Variants in SLC9A9 observed in about 807,000 individuals in gnomAD.
SLC9A9 encodes the protein sodium/hydrogen exchanger 9.
SLC9A9 carries 62 observed loss-of-function variants against 77.8 expected under a neutral mutation model. That is an observed-to-expected ratio of 0.80 (90% CI 0.65 to 0.98). The LOEUF is 0.98. Among genes scored for constraint, SLC9A9 ranks in the 50% least tolerant of loss-of-function variants. The pLI, the probability that SLC9A9 is intolerant of heterozygous loss-of-function variation, is 0.00. For synonymous variants in SLC9A9, 320 were observed against 283.5 expected (o/e 1.13, Z -1.29); for missense variants, 775 against 774.9 (o/e 1.00, Z 0.00).
chr3:143,716,077 C>G (rs942352801), intron 4 of SLC9A9, among the ~76,000 whole-genome samples: 1 of 152,156 alleles, frequency 6.6e-6, no homozygotes, highest in Admixed American at 6.5e-5. Flanking sequence ...CTTTGAGACT[C>G]AAATGCCATT....
intron 9 of SLC9A9, among the ~76,000 whole-genome samples, chr3:143,537,459 ACTCTGCTGCCAC>A (rs1024550942): frequency 7.1e-4 from 108 of 151,882 alleles, no homozygotes; most frequent in African/African-American, 2.4e-3. Flanking sequence ...ACTGCTGCCC[ACTCTGCTGCCAC>A]CTGCCACCTG....
intron 6 of SLC9A9, among the ~76,000 whole-genome samples, chr3:143,630,373 C>T (rs988215030): frequency 6.6e-6 from 1 of 152,148 alleles, no homozygotes; most frequent in Non-Finnish European, 1.5e-5. Flanking sequence ...TAACCACCTT[C>T]TAGGAAGGTG....
At chr3:143,758,448 T>C (rs949970504) in intron 4 of SLC9A9, among the ~76,000 whole-genome samples, 2 of 152,196 alleles carry the variant, frequency 1.3e-5, no homozygotes, top group African/African-American at 4.8e-5. Context: ...CCTATAGGAC[T>C]TAATGGCTGT....
intron 11 of SLC9A9, among the ~76,000 whole-genome samples, chr3:143,490,435 C>T (rs776293165): frequency 6.6e-6 from 1 of 152,034 alleles, no homozygotes; most frequent in Non-Finnish European, 1.5e-5. Flanking sequence ...AAGACAAATA[C>T]TATATGATTC....
Position 143,624,712 on chromosome 3 carries a change from G to A in SLC9A9, c.755+27543C>T, listed in dbSNP as rs530881898. On this transcript the variant is annotated intron_variant, in intron 6 of 15. Coordinates refer to ENST00000316549, the MANE Select transcript of SLC9A9 (RefSeq NM_173653.4). ...TCCCTCTGAAAACTGACACAAGACA[G>A]GGATGCCCTCTCTTACCACTCCTAT... 4.5e-4 allele frequency among the ~76,000 whole-genome samples: 69 copies of A among 152,240 alleles called. No homozygotes were observed. In the East Asian group the frequency reaches 0.01, roughly 23 times the overall value.
intron 9 of SLC9A9, among the ~76,000 whole-genome samples, chr3:143,501,568 G>T (rs1457139268): frequency 6.6e-6 from 1 of 150,832 alleles, no homozygotes; most frequent in Non-Finnish European, 1.5e-5. Context: ...GGTGCAGAGG[G>T]TGCCCTTTTC....
chr3:143,701,327 T>A (rs992250752), intron 4 of SLC9A9, among the ~76,000 whole-genome samples: 1 of 152,152 alleles, frequency 6.6e-6, no homozygotes, highest in African/African-American at 2.4e-5. Context: ...CAGGGAACAA[T>A]TTTAAAGCAA....
chr3:143,808,723 A>G (rs142373780), intron 2 of SLC9A9, among the ~76,000 whole-genome samples: 1 of 152,316 alleles, frequency 6.6e-6, no homozygotes, highest in African/African-American at 2.4e-5. Flanking sequence ...TGACTTGGAC[A>G]GCTATTTAAC....
chr3:143,305,225 G>A (rs573926253), intron 14 of SLC9A9, among the ~76,000 whole-genome samples: 6 of 152,246 alleles, frequency 3.9e-5, no homozygotes, highest in African/African-American at 1.4e-4. Context: ...GCATTTCTTC[G>A]TTATGTTCTA....
At chr3:143,412,564 T>C (rs1387185972) in intron 12 of SLC9A9, among the ~76,000 whole-genome samples, 1 of 152,182 alleles carries the variant, frequency 6.6e-6, no homozygotes, top group Non-Finnish European at 1.5e-5. Context: ...ACTCTCTCTG[T>C]ACACAGTCCC....
chr3:143,578,845 TA>T (rs1439357554), intron 6 of SLC9A9, 122 bp from the exon 7 acceptor site: 12 of 1,190,958 alleles, frequency 1.0e-5, no homozygotes, highest in Admixed American at 1.7e-5. Context: ...TTGGAAGAGT[TA>T]GGGGAAAACA....
intron 12 of SLC9A9, among the ~76,000 whole-genome samples, chr3:143,400,879 A>G (rs562863215): frequency 6.6e-6 from 1 of 152,210 alleles, no homozygotes; most frequent in South Asian, 2.1e-4. Flanking sequence ...TGAGCCCGAG[A>G]GTGAGTGCTT....
intron 14 of SLC9A9, among the ~76,000 whole-genome samples, chr3:143,316,752 G>C (rs2031227951): frequency 6.6e-6 from 1 of 152,272 alleles, no homozygotes; most frequent in South Asian, 2.1e-4. Flanking sequence ...TATAATCAGG[G>C]AATGAGAAGG....
chr3:143,466,199 C>T (rs887329249), intron 12 of SLC9A9, among the ~76,000 whole-genome samples: 1 of 152,170 alleles, frequency 6.6e-6, no homozygotes, highest in Admixed American at 6.5e-5. Flanking sequence ...AGGTATAAAT[C>T]TGTCTTATAG....
At chr3:143,515,504 G>A (rs1326472035) in intron 9 of SLC9A9, among the ~76,000 whole-genome samples, 1 of 152,028 alleles carries the variant, frequency 6.6e-6, no homozygotes, top group Non-Finnish European at 1.5e-5. Flanking sequence ...ACTTCTGAAG[G>A]CTCACCAGCA....
chr3:143,743,921 CA>C (rs2108818988), intron 4 of SLC9A9, among the ~76,000 whole-genome samples: 1 of 152,242 alleles, frequency 6.6e-6, no homozygotes, highest in Non-Finnish European at 1.5e-5. Flanking sequence ...GATATGAATG[CA>C]AGTGAGAGAT....
At chr3:143,676,942 C>T (rs950186701) in intron 5 of SLC9A9, among the ~76,000 whole-genome samples, 3 of 152,150 alleles carry the variant, frequency 2.0e-5, no homozygotes, top group Non-Finnish European at 2.9e-5. Flanking sequence ...GTTTGCACAT[C>T]TCAAGCCTGT....
intron 9 of SLC9A9, among the ~76,000 whole-genome samples, chr3:143,509,494 C>T (rs140586722): frequency 1.0e-3 from 155 of 152,210 alleles, no homozygotes; most frequent in African/African-American, 3.3e-3. Flanking sequence ...AGCTACTGCA[C>T]GCCCTTGAGA....
At chr3:143,681,963 T>C (rs1933113610) in intron 5 of SLC9A9, among the ~76,000 whole-genome samples, 1 of 152,144 alleles carries the variant, frequency 6.6e-6, no homozygotes, top group Non-Finnish European at 1.5e-5. Context: ...ACCACCAACG[T>C]CCACAGATTT....
Sources: allele counts gnomAD v4.1 joint callset (sites outside exome capture counted in the v4.1 genomes callset), GRCh38; gene constraint gnomAD v4.1.1; transcripts MANE v1.5; gene names NCBI Gene and HGNC (gene_info 2026-07-23, HGNC 2026-07-21).